Variants in IL34 observed in about 807,000 individuals in gnomAD.
IL34 encodes interleukin 34, also known as interleukin-34.
In IL34, 17 loss-of-function variants were observed where a neutral mutation model predicts 25.3. The observed-to-expected ratio is 0.67, with a 90% CI of 0.46 to 1.01. IL34 has a LOEUF of 1.01. Among genes scored for constraint, IL34 ranks in the 50% least tolerant of loss-of-function variants. IL34 has a pLI of 0.00. For synonymous variants in IL34, 174 were observed against 140.9 expected (o/e 1.23, Z -1.66); for missense variants, 368 against 312.9 (o/e 1.18, Z -1.33).
chr16:70,645,977 CTGGAGG>C (rs1020068352), upstream of IL34, among the ~76,000 whole-genome samples: 3 of 152,192 alleles, frequency 2.0e-5, no homozygotes, highest in African/African-American at 7.2e-5. Flanking sequence ...TGCTTGAACC[CTGGAGG>C]TGGAGGCTGC....
chr16:70,631,475 A>T (rs928739379), intron 1 of IL34, among the ~76,000 whole-genome samples: 2 of 152,206 alleles, frequency 1.3e-5, no homozygotes, highest in Admixed American at 1.3e-4. Context: ...AAACATATTA[A>T]ATGTTTTTTT....
At chr16:70,604,273 A>G (rs1597741746) in intron 1 of IL34, among the ~76,000 whole-genome samples, 1 of 152,220 alleles carries the variant, frequency 6.6e-6, no homozygotes, top group Non-Finnish European at 1.5e-5. Flanking sequence ...AAACCTGGGA[A>G]CAAACCTTTG....
At chr16:70,644,929 AG>A (rs2051882446), upstream of IL34, among the ~76,000 whole-genome samples, 1 of 36,112 alleles carries the variant, frequency 2.8e-5, no homozygotes, top group African/African-American at 4.6e-4. Flanking sequence ...AGGAGGAGGA[AG>A]GAGGAAGAGG....
intron 1 of IL34, among the ~76,000 whole-genome samples, chr16:70,632,934 C>G (rs930585162): frequency 6.6e-6 from 1 of 152,078 alleles, no homozygotes; most frequent in Non-Finnish European, 1.5e-5. Context: ...GTATAACTTA[C>G]TTAAAATAAA....
intron 1 of IL34, among the ~76,000 whole-genome samples, chr16:70,619,711 C>T (rs557801034): frequency 2.0e-5 from 3 of 152,296 alleles, no homozygotes; most frequent in South Asian, 4.1e-4. Context: ...TCGAGGCGAT[C>T]GGGCAGTGTC....
chr16:70,599,513 C>T (rs1309974405), intron 1 of IL34, among the ~76,000 whole-genome samples: 1 of 150,236 alleles, frequency 6.7e-6, no homozygotes, highest in Admixed American at 6.6e-5. Flanking sequence ...TGTGCCAACA[C>T]GCCCAGTTAA....
At chr16:70,654,929 G>A (rs1345829615) in intron 2 of IL34, among the ~76,000 whole-genome samples, 1 of 152,140 alleles carries the variant, frequency 6.6e-6, no homozygotes, top group African/African-American at 2.4e-5. Flanking sequence ...GTCACCATAT[G>A]ACTCAGGAAT....
At chr16:70,656,380 G>A (rs139045168) in intron 2 of IL34, among the ~76,000 whole-genome samples, 94 of 152,262 alleles carry the variant, frequency 6.2e-4, no homozygotes, top group Non-Finnish European at 2.2e-4. Context: ...TCATCTGGGC[G>A]TGGTGGCACA....
At chr16:70,640,510 G>A (rs1355556046) in intron 1 of IL34, among the ~76,000 whole-genome samples, 1 of 151,812 alleles carries the variant, frequency 6.6e-6, no homozygotes, top group African/African-American at 2.4e-5. Flanking sequence ...TGTAATCCCA[G>A]CTACTTGGGA....
intron 1 of IL34, among the ~76,000 whole-genome samples, chr16:70,604,495 T>C (rs1284875835): frequency 6.6e-6 from 1 of 152,222 alleles, no homozygotes; most frequent in Admixed American, 6.5e-5. Context: ...TCCAGCAGCC[T>C]GTGGGTGTCT....
intron 1 of IL34, among the ~76,000 whole-genome samples, chr16:70,607,294 C>T (rs545934084): frequency 8.5e-5 from 13 of 152,142 alleles, no homozygotes; most frequent in African/African-American, 2.9e-4. Context: ...TTAGTAGAGA[C>T]GGGGTTTCAC....
intron 1 of IL34, among the ~76,000 whole-genome samples, chr16:70,603,638 T>C (rs977290164): frequency 6.6e-5 from 10 of 152,158 alleles, no homozygotes; most frequent in Non-Finnish European, 1.5e-4. Context: ...AGTGGCATGA[T>C]CTTGGCTCAC....
chr16:70,615,283 T>C (rs773854616), intron 1 of IL34, among the ~76,000 whole-genome samples: 2 of 151,308 alleles, frequency 1.3e-5, no homozygotes, highest in Non-Finnish European at 3.0e-5. Context: ...CCGAGGTGGG[T>C]GGATCAAGAG....
At chr16:70,599,295 T>TTCTTTTCTTTCTTC (rs56927895) in intron 1 of IL34, among the ~76,000 whole-genome samples, 5 of 139,040 alleles carry the variant, frequency 3.6e-5, no homozygotes, top group African/African-American at 1.4e-4. Flanking sequence ...CTTTCTTTCT[T>TTCTTTTCTTTCTTC]CTTTCTTTCC....
rs548060000 is a variant in IL34, at chr16:70,593,118, C to A, written c.-401+13069C>A. On this transcript the variant is annotated intron_variant, in intron 1 of 6. Coordinates refer to the IL34 transcript ENST00000429149. Reference sequence around the variant, plus strand: ...CTGGGATTACAGGCATGAGCTACTGCGCCTGGCCCTATTGTCCATTTTTTA... The same window carrying A: ...CTGGGATTACAGGCATGAGCTACTGAGCCTGGCCCTATTGTCCATTTTTTA... Among the ~76,000 whole-genome samples the A allele has an allele frequency of 2.6e-5, 4 of 152,210 alleles. No individual in the cohort carries two copies. The South Asian group carries it at 8.3e-4, about 32-fold the overall frequency.
intron 1 of IL34, among the ~76,000 whole-genome samples, chr16:70,621,380 G>A (rs910072717): frequency 2.6e-5 from 4 of 152,174 alleles, no homozygotes; most frequent in African/African-American, 9.6e-5. Flanking sequence ...GAAATTAAGA[G>A]AAGGGAGAGA....
upstream of IL34, among the ~76,000 whole-genome samples, chr16:70,644,061 G>A (rs755734062): frequency 2.6e-5 from 4 of 152,096 alleles, no homozygotes; most frequent in Admixed American, 6.6e-5. Flanking sequence ...TGCAACCTCC[G>A]CCTCCTGGGT....
rs1020128558 is a variant in IL34 at position 70,649,556 on chromosome 16, C to T, written c.28+2581C>T. ...CCTCTGGAGTCGGTCCTACCTCCTACTTCACAAAGACCCCATTTCCAAACA... is the reference window on the plus strand; with the variant it reads ...CCTCTGGAGTCGGTCCTACCTCCTATTTCACAAAGACCCCATTTCCAAACA... On this transcript the variant is annotated intron_variant, in intron 1 of 5. Transcript: ENST00000288098. Among the ~76,000 whole-genome samples the T allele has an allele frequency of 3.9e-5, 6 of 152,196 alleles. No individual in the cohort carries two copies. In the South Asian group the frequency reaches 1.0e-3, roughly 26 times the overall value.
chr16:70,642,934 G>T (rs988299851), upstream of IL34, among the ~76,000 whole-genome samples: 1 of 152,184 alleles, frequency 6.6e-6, no homozygotes, highest in Non-Finnish European at 1.5e-5. Flanking sequence ...GGAATAGGGG[G>T]TGACTGCTAA....
Sources: allele counts gnomAD v4.1 joint callset (sites outside exome capture counted in the v4.1 genomes callset), GRCh38; gene constraint gnomAD v4.1.1; transcripts MANE v1.5; gene names NCBI Gene and HGNC (gene_info 2026-07-23, HGNC 2026-07-21).